TRDN: variants seen among roughly 807,000 people sequenced by gnomAD.
TRDN encodes triadin in skeletal muscle.
Under a neutral mutation model 149.7 loss-of-function variants are expected in TRDN, and 161 were observed. The observed-to-expected ratio is 1.08, with a 90% confidence interval of 0.95 to 1.23. TRDN has a LOEUF of 1.23. TRDN is among the 50% of genes most tolerant of loss of function. The pLI is 0.00. For synonymous variants in TRDN, 294 were observed against 250.5 expected (o/e 1.17, Z -1.64); for missense variants, 896 against 823.5 (o/e 1.09, Z -1.08).
chr6:123,487,825 A>T (rs1362586345), intron 9 of TRDN, among the ~76,000 whole-genome samples: 1 of 152,114 alleles, frequency 6.6e-6, no homozygotes, highest in Admixed American at 6.6e-5. Context: ...TATATTTCTC[A>T]GCACTTAGTC....
chr6:123,444,901 G>A (rs1465659670), intron 10 of TRDN: 2 of 152,192 alleles, frequency 1.3e-5, no homozygotes, highest in African/African-American at 4.8e-5. Flanking sequence ...GCTTTTTGAT[G>A]TGCTGATGGA....
intron 21 of TRDN, chr6:123,349,440 A>G: frequency 1.3e-6 from 1 of 769,608 alleles, no homozygotes; most frequent in Non-Finnish European, 1.6e-6. Context: ...CCAAAGCACG[A>G]AGTATTGTCA....
At chr6:123,292,767 A>T (rs1329664914) in intron 24 of TRDN, among the ~76,000 whole-genome samples, 1 of 152,192 alleles carries the variant, frequency 6.6e-6, no homozygotes, top group Non-Finnish European at 1.5e-5. Context: ...GGGGACACCA[A>T]CACCTACATC....
chr6:123,311,978 T>A (rs1778843161), intron 24 of TRDN, among the ~76,000 whole-genome samples: 1 of 151,880 alleles, frequency 6.6e-6, no homozygotes, highest in African/African-American at 2.4e-5. Flanking sequence ...CCAGAGGAAT[T>A]AATAGAAGAT....
chr6:123,280,308 G>GA (rs145951055), intron 24 of TRDN, among the ~76,000 whole-genome samples: 6,710 of 152,018 alleles, frequency 0.044, 312 homozygotes, highest in Admixed American at 0.16. Context: ...GCCAAGGAAA[G>GA]AAAAAATGGA....
At chr6:123,563,290 A>T (rs528808842) in intron 2 of TRDN, among the ~76,000 whole-genome samples, 29 of 152,332 alleles carry the variant, frequency 1.9e-4, no homozygotes, top group African/African-American at 7.0e-4. Flanking sequence ...TAAACCTGGA[A>T]TACTTCCAGC....
intron 38 of TRDN, among the ~76,000 whole-genome samples, chr6:123,249,483 T>C (rs1562229525): frequency 6.6e-6 from 1 of 152,160 alleles, no homozygotes; most frequent in Non-Finnish European, 1.5e-5. Flanking sequence ...TGTACTTCTA[T>C]GTTTATTGCA....
intron 4 of TRDN, among the ~76,000 whole-genome samples, 158 bp from the exon 5 acceptor site, chr6:123,530,723 G>T (rs1051630053): frequency 6.6e-6 from 1 of 151,684 alleles, no homozygotes; most frequent in African/African-American, 2.4e-5. Context: ...GTAACATATT[G>T]CTAAACAAAT....
chr6:123,327,654 G>A (rs539760547), intron 23 of TRDN, among the ~76,000 whole-genome samples: 4 of 152,128 alleles, frequency 2.6e-5, no homozygotes, highest in Non-Finnish European at 5.9e-5. Flanking sequence ...GTTTAGGAAT[G>A]CTAAACATTA....
chr6:123,544,961 G>A (rs1439814116), intron 4 of TRDN, among the ~76,000 whole-genome samples: 3 of 151,798 alleles, frequency 2.0e-5, no homozygotes, highest in Non-Finnish European at 4.4e-5. Context: ...ATTAAAAACT[G>A]CAAACTTCAA....
At chr6:123,280,431 T>A (rs574196559) in intron 24 of TRDN, among the ~76,000 whole-genome samples, 1 of 152,176 alleles carries the variant, frequency 6.6e-6, no homozygotes, top group Non-Finnish European at 1.5e-5. Flanking sequence ...CCATTCCACG[T>A]AAACTTTATA....
intron 23 of TRDN, among the ~76,000 whole-genome samples, chr6:123,317,782 G>T (rs1779083186): frequency 6.6e-6 from 1 of 151,892 alleles, no homozygotes. Flanking sequence ...CTGATATGTG[G>T]TATATGATCA....
At chr6:123,474,050 A>G (rs968502396) in intron 9 of TRDN, among the ~76,000 whole-genome samples, 1 of 152,122 alleles carries the variant, frequency 6.6e-6, no homozygotes. Context: ...CGAGCAAAAT[A>G]ACCAGCTAAC....
At chr6:123,289,011 TGGGG>T (rs35592999) in intron 24 of TRDN, among the ~76,000 whole-genome samples, 25,568 of 146,890 alleles carry the variant, frequency 0.17, 2,813 homozygotes, top group East Asian at 0.54. Flanking sequence ...TTTAAAAATG[TGGGG>T]GGTGTGTGTG....
intron 11 of TRDN, 133 bp downstream of exon 11, chr6:123,438,811 A>T: frequency 1.5e-6 from 1 of 655,214 alleles, no homozygotes; most frequent in Non-Finnish European, 2.5e-6. Flanking sequence ...TAGACATGTT[A>T]AGAGTGTTCA....
At chr6:123,355,028 C>A (rs182150869) in intron 20 of TRDN, among the ~76,000 whole-genome samples, 20 of 151,804 alleles carry the variant, frequency 1.3e-4, no homozygotes, top group African/African-American at 4.3e-4. Flanking sequence ...TTCCTGATAC[C>A]TAATAATGCC....
rs1782456448 is a variant in TRDN, at chr6:123,569,560, A to C, written c.232+1363T>G. Among the ~76,000 whole-genome samples, 3 of 152,168 alleles carry C rather than the reference A, an allele frequency of 2.0e-5. No homozygotes were observed. The South Asian group carries it at 6.2e-4, about 32-fold the overall frequency. On this transcript the variant is annotated intron_variant, in intron 2 of 40. Transcript: ENST00000334268. Reference sequence around the variant, plus strand: ...CTTAAGACTGGGTAATTTATAAACAAAATAGGTTTAATAGGCTCACAGTTA... The same window carrying C: ...CTTAAGACTGGGTAATTTATAAACACAATAGGTTTAATAGGCTCACAGTTA...
At chr6:123,523,215 A>C (rs991869303) in intron 5 of TRDN, among the ~76,000 whole-genome samples, 1 of 152,148 alleles carries the variant, frequency 6.6e-6, no homozygotes, top group African/African-American at 2.4e-5. Context: ...CTACACAGGA[A>C]GGGCTTGATG....
chr6:123,541,863 G>T (rs540000610), intron 4 of TRDN, among the ~76,000 whole-genome samples: 6 of 152,138 alleles, frequency 3.9e-5, no homozygotes, highest in Admixed American at 3.9e-4. Flanking sequence ...GGCAAAGATG[G>T]ATGCAATGAA....
Sources: allele counts gnomAD v4.1 joint callset (sites outside exome capture counted in the v4.1 genomes callset), GRCh38; gene constraint gnomAD v4.1.1; transcripts MANE v1.5; gene names NCBI Gene and HGNC (gene_info 2026-07-23, HGNC 2026-07-21).